MAML2: variants seen among roughly 807,000 people sequenced by gnomAD.
The protein encoded by MAML2 is mastermind like transcriptional coactivator 2.
In MAML2, 22 loss-of-function variants were observed where a neutral mutation model predicts 96.1. The ratio of observed to expected loss-of-function variants is 0.23; its 90% confidence interval spans 0.16 to 0.33. The LOEUF (loss-of-function observed/expected upper bound fraction) is 0.33, where lower values mean the gene tolerates loss of function less well. Among genes scored for constraint, MAML2 ranks in the 10% least tolerant of loss-of-function variants. The pLI is 1.00. For missense variants in MAML2, 1,367 were observed against 1,392.4 expected, an observed-to-expected ratio of 0.98 and a Z score of 0.29; for synonymous variants, 561 against 521.3, an observed-to-expected ratio of 1.08 and a Z score of -1.04.
At chr11:96,049,111 C>T (rs546010046) in intron 2 of MAML2, among the ~76,000 whole-genome samples, 3 of 152,152 alleles carry the variant, frequency 2.0e-5, no homozygotes, top group Non-Finnish European at 4.4e-5. Flanking sequence ...TGTTACTTAG[C>T]AGGTCTTCAA....
intron 1 of MAML2, among the ~76,000 whole-genome samples, chr11:96,247,647 A>G (rs1862529281): frequency 6.6e-6 from 1 of 152,136 alleles, no homozygotes; most frequent in Admixed American, 6.6e-5. Context: ...CTCACTGGAA[A>G]TTCTGGACCA....
chr11:96,324,806 T>G (rs574332324), intron 1 of MAML2, among the ~76,000 whole-genome samples: 3 of 152,342 alleles, frequency 2.0e-5, no homozygotes, highest in African/African-American at 7.2e-5. Context: ...GGAGAAAAAG[T>G]TAAGAGACCA....
At chr11:96,231,375 T>A (rs1862291377) in intron 1 of MAML2, among the ~76,000 whole-genome samples, 1 of 152,218 alleles carries the variant, frequency 6.6e-6, no homozygotes, top group African/African-American at 2.4e-5. Flanking sequence ...TAAATATGCT[T>A]GTTTCATAAA....
At chr11:96,293,903 T>A (rs150257634) in intron 1 of MAML2, among the ~76,000 whole-genome samples, 1 of 152,370 alleles carries the variant, frequency 6.6e-6, no homozygotes, top group East Asian at 1.9e-4. Context: ...ATCCAGAGTC[T>A]AATAGTCTAG....
At chr11:96,232,614 C>G (rs1052563949) in intron 1 of MAML2, among the ~76,000 whole-genome samples, 1 of 152,128 alleles carries the variant, frequency 6.6e-6, no homozygotes, top group African/African-American at 2.4e-5. Context: ...GGACTACAGG[C>G]GCCCGCCACC....
At chr11:96,316,897 G>A (rs993976792) in intron 1 of MAML2, among the ~76,000 whole-genome samples, 1 of 151,944 alleles carries the variant, frequency 6.6e-6, no homozygotes, top group Non-Finnish European at 1.5e-5. Context: ...AGATGGAACT[G>A]AGCAAATGAT....
At chr11:96,022,617 A>G (rs75123825) in intron 2 of MAML2, among the ~76,000 whole-genome samples, 2,067 of 152,296 alleles carry the variant, frequency 0.014, 29 homozygotes, top group South Asian at 0.046. Context: ...AAATAGCACT[A>G]GGCTAAGAGG....
At chr11:96,170,142 G>A (rs184039035) in intron 1 of MAML2, among the ~76,000 whole-genome samples, 191 of 152,296 alleles carry the variant, frequency 1.3e-3, no homozygotes, top group African/African-American at 4.0e-3. Context: ...CACATCATGT[G>A]CTACAGTGCA....
intron 2 of MAML2, among the ~76,000 whole-genome samples, chr11:96,047,802 C>T (rs1247368030): frequency 1.3e-5 from 2 of 150,458 alleles, no homozygotes; most frequent in African/African-American, 4.9e-5. Flanking sequence ...ATCCCAGCTA[C>T]TCGGGAGTCT....
intron 1 of MAML2, among the ~76,000 whole-genome samples, chr11:96,317,222 T>C (rs2136008404): frequency 6.6e-6 from 1 of 152,286 alleles, no homozygotes; most frequent in East Asian, 1.9e-4. Flanking sequence ...AATCTATACA[T>C]TGGTGCCTCT....
intron 1 of MAML2, among the ~76,000 whole-genome samples, chr11:96,257,925 G>C (rs1222793901): frequency 6.6e-6 from 1 of 151,060 alleles, no homozygotes; most frequent in Non-Finnish European, 1.5e-5. Flanking sequence ...TCTATTTCCT[G>C]CAGTCTCTCA....
intron 4 of MAML2, among the ~76,000 whole-genome samples, chr11:95,983,498 G>A (rs1219399518): frequency 6.6e-6 from 1 of 152,050 alleles, no homozygotes; most frequent in Non-Finnish European, 1.5e-5. Flanking sequence ...TAGCACTCTA[G>A]GATGACTATA....
Position 96,092,781 on chromosome 11 carries a change from C to T in MAML2, c.1250G>A (p.Gly417Asp). ...VPQSQAQPQT[G>D]SGASRALPSW... ...TGGCAAGGCCCGGCTTGCTCCGGAG[C>T]CTGTCTGAGGCTGAGCCTGGCTCTG... Residue 417 changes from glycine to aspartate, a missense_variant, in exon 2 of 5, where the codon GGC (glycine) becomes GAC (aspartate). By Grantham distance (94) the Gly-to-Asp change is moderately conservative (BLOSUM62 -1). Coordinates refer to ENST00000524717, the MANE Select transcript of MAML2 (RefSeq NM_032427.4). The surrounding 1 kb of genome is among the most constrained non-coding windows in gnomAD (Gnocchi z 4.1). 1.2e-6 allele frequency: 2 copies of T among 1,612,788 alleles called. No individual in the cohort carries two copies. The highest frequency in any genetic ancestry group is 1.7e-6 in the Non-Finnish European group (2 of 1,179,166).
chr11:96,141,792 C>A (rs1839337393), intron 1 of MAML2, among the ~76,000 whole-genome samples: 2 of 152,180 alleles, frequency 1.3e-5, no homozygotes, highest in Admixed American at 6.5e-5. Context: ...GCACCGTCAG[C>A]TTGAAGCTAG....
At chr11:96,270,375 T>A (rs1862899329) in intron 1 of MAML2, among the ~76,000 whole-genome samples, 1 of 152,194 alleles carries the variant, frequency 6.6e-6, no homozygotes. Flanking sequence ...AGTGGTGCGA[T>A]CTTGGCTCAC....
chr11:96,272,649 ACC>A (rs1421196393), intron 1 of MAML2, among the ~76,000 whole-genome samples: 9 of 152,210 alleles, frequency 5.9e-5, no homozygotes, highest in African/African-American at 2.2e-4. Context: ...GTCAGCAAAC[ACC>A]AGTATTTGGC....
chr11:96,047,937 A>AAAGAG, intron 2 of MAML2, among the ~76,000 whole-genome samples: 1 of 151,266 alleles, frequency 6.6e-6, no homozygotes, highest in African/African-American at 2.4e-5. Flanking sequence ...AAAAAAAAGA[A>AAAGAG]AAAAGAGAGA....
chr11:96,334,768 G>T (rs1285413852), intron 1 of MAML2, among the ~76,000 whole-genome samples: 1 of 152,236 alleles, frequency 6.6e-6, no homozygotes, highest in Non-Finnish European at 1.5e-5. Context: ...TGACGTAAGA[G>T]TTTAAAACCT....
chr11:96,294,684 A>G (rs966381323), intron 1 of MAML2, among the ~76,000 whole-genome samples: 14 of 152,254 alleles, frequency 9.2e-5, no homozygotes, highest in Non-Finnish European at 1.9e-4. Flanking sequence ...CACCTTTGGA[A>G]TAAACAAAGA....
Sources: allele counts gnomAD v4.1 joint callset (sites outside exome capture counted in the v4.1 genomes callset), GRCh38; gene constraint gnomAD v4.1.1; non-coding constraint Gnocchi (gnomAD v3.1); transcripts MANE v1.5; gene names NCBI Gene and HGNC (gene_info 2026-07-23, HGNC 2026-07-21).